SUCLG1: variants seen among roughly 807,000 people sequenced by gnomAD.
The protein encoded by SUCLG1 is succinate-CoA ligase GDP/ADP-forming subunit alpha, also known as succinate--CoA ligase [ADP/GDP-forming] subunit alpha, mitochondrial.
In SUCLG1, 26 loss-of-function variants were observed where a neutral mutation model predicts 37.3. The ratio of observed to expected loss-of-function variants is 0.70; its 90% confidence interval spans 0.51 to 0.97. The LOEUF (loss-of-function observed/expected upper bound fraction) is 0.97, where lower values mean the gene tolerates loss of function less well. Among genes scored for constraint, SUCLG1 ranks in the 50% least tolerant of loss-of-function variants. The pLI is 0.00. For synonymous variants in SUCLG1, 163 were observed against 155.6 expected, an observed-to-expected ratio of 1.05 and a Z score of -0.36; for missense variants, 433 against 432.9, an observed-to-expected ratio of 1.00 and a Z score of 0.00.
chr2:84,439,189 T>A (rs6735362), intron 5 of SUCLG1, among the ~76,000 whole-genome samples: 19,496 of 139,830 alleles, frequency 0.14, 3,465 homozygotes, highest in African/African-American at 0.43. Flanking sequence ...TTCTTTTTTT[T>A]AAAAAAAAAA....
At chr2:84,447,145 T>C (rs1327726061) in intron 2 of SUCLG1, among the ~76,000 whole-genome samples, 1 of 152,228 alleles carries the variant, frequency 6.6e-6, no homozygotes, top group East Asian at 1.9e-4. Flanking sequence ...GGATTTTTAA[T>C]TCATATGTGG....
At chr2:84,442,556 G>A (rs1052841249) in intron 3 of SUCLG1, among the ~76,000 whole-genome samples, 1 of 151,992 alleles carries the variant, frequency 6.6e-6, no homozygotes, top group African/African-American at 2.4e-5. Flanking sequence ...TCCCTACAGA[G>A]GCAAAATCTG....
chr2:84,440,913 CA>C, intron 5 of SUCLG1, 133 bp downstream of exon 5: 1 of 871,098 alleles, frequency 1.1e-6, no homozygotes, highest in South Asian at 1.5e-5. Flanking sequence ...TGATAGACTA[CA>C]AAACTTCCCT....
intron 8 of SUCLG1, 101 bp downstream of exon 8, chr2:84,425,314 T>G (rs1363557495): frequency 7.0e-7 from 1 of 1,431,818 alleles, no homozygotes; most frequent in Non-Finnish European, 9.8e-7. Context: ...GAAAACCAAT[T>G]AAGTCCCAGA....
chr2:84,430,071 T>C (rs574936578), intron 7 of SUCLG1, among the ~76,000 whole-genome samples: 11 of 151,706 alleles, frequency 7.3e-5, no homozygotes, highest in African/African-American at 2.7e-4. Flanking sequence ...GCACAGAAAA[T>C]AGATCCAGGG....
At chr2:84,423,870 T>G in intron 8 of SUCLG1, 98 bp from the exon 9 acceptor site, 2 of 1,268,368 alleles carry the variant, frequency 1.6e-6, no homozygotes, top group Non-Finnish European at 1.1e-6. Flanking sequence ...ACCTATTATC[T>G]TTAGGATCCC....
chr2:84,442,602 ACT>A (rs1292864228), intron 3 of SUCLG1, among the ~76,000 whole-genome samples: 1 of 152,198 alleles, frequency 6.6e-6, no homozygotes, highest in East Asian at 1.9e-4. Flanking sequence ...AACTTTACTT[ACT>A]TTTTGTATCG....
At chr2:84,451,935 G>C (rs1453154872) in intron 1 of SUCLG1, among the ~76,000 whole-genome samples, 2 of 152,150 alleles carry the variant, frequency 1.3e-5, no homozygotes, top group African/African-American at 4.8e-5. Flanking sequence ...GCAAGGAAGT[G>C]AAATTCCTGA....
intron 8 of SUCLG1, 27 bp from the exon 9 acceptor site, chr2:84,423,799 A>G (rs773295977): frequency 6.3e-7 from 1 of 1,599,676 alleles, no homozygotes; most frequent in African/African-American, 1.3e-5. Flanking sequence ...GAGAGAGAAG[A>G]GAGATGGAAT....
rs183080875 is a variant in SUCLG1, at chr2:84,435,834, T to A, written c.590-2399A>T. Among the ~76,000 whole-genome samples, 96 of 152,346 alleles carry A rather than the reference T, an allele frequency of 6.3e-4. 1 individual carries two copies. Among genetic ancestry groups the A allele is most frequent in the Admixed American group, 2.5e-3 (39 of 15,308 alleles). ...AGCTCATCCTCTCTTTCCAGCAGCC[T>A]GTTCTGAATCATCTCTCAGGGTGTG... On this transcript the variant is annotated intron_variant, in intron 5 of 8. Coordinates refer to ENST00000393868, the MANE Select transcript of SUCLG1 (RefSeq NM_003849.4).
At chr2:84,443,450 C>T (rs759590965) in intron 2 of SUCLG1, 50 bp from the exon 3 acceptor site, 1 of 1,522,128 alleles carries the variant, frequency 6.6e-7, no homozygotes, top group Non-Finnish European at 9.1e-7. Context: ...CTGGTAAGCC[C>T]AAGAGAAGCA....
At chr2:84,434,872 C>T (rs1034786562) in intron 5 of SUCLG1, among the ~76,000 whole-genome samples, 2 of 152,198 alleles carry the variant, frequency 1.3e-5, no homozygotes, top group African/African-American at 4.8e-5. Context: ...TGAATTTGGG[C>T]ACACAATAAC....
At chr2:84,441,199 C>T in intron 4 of SUCLG1, 48 bp downstream of exon 4, 3 of 1,613,520 alleles carry the variant, frequency 1.9e-6, no homozygotes, top group Non-Finnish European at 2.5e-6. Flanking sequence ...AGCTGTTTAG[C>T]CTTGTGAGAG....
chr2:84,454,404 T>C (rs1672988169), intron 1 of SUCLG1, among the ~76,000 whole-genome samples: 1 of 152,216 alleles, frequency 6.6e-6, no homozygotes, highest in Non-Finnish European at 1.5e-5. Flanking sequence ...GAGTTAGTAA[T>C]ATATAAAGCA....
Position 84,433,336 on chromosome 2 carries a change from A to G in SUCLG1, c.673+16T>C. ...CACCACACTCCAATAAAATGATTTTAGCAAAAGTCCCTCACCAACGCACAA... is the reference window on the plus strand; with the variant it reads ...CACCACACTCCAATAAAATGATTTTGGCAAAAGTCCCTCACCAACGCACAA... On this transcript the variant is annotated intron_variant, in intron 6 of 8. Coordinates refer to ENST00000393868, the MANE Select transcript of SUCLG1 (RefSeq NM_003849.4). The G allele has an allele frequency of 6.2e-7, 1 of 1,611,822 alleles. No homozygotes were observed. Among genetic ancestry groups the G allele is most frequent in the Non-Finnish European group, 8.5e-7 (1 of 1,177,988 alleles).
intron 1 of SUCLG1, 71 bp downstream of exon 1, chr2:84,459,102 G>A: frequency 6.8e-7 from 1 of 1,464,700 alleles, no homozygotes; most frequent in Non-Finnish European, 9.2e-7. Flanking sequence ...GCCGCGGCCT[G>A]GGCCAGGAGG....
At chr2:84,449,837 C>T in intron 1 of SUCLG1, 85 bp from the exon 2 acceptor site, 1 of 1,021,512 alleles carries the variant, frequency 9.8e-7, no homozygotes, top group Admixed American at 2.7e-5. Context: ...AACTTGATCA[C>T]AAAAAAAAAA....
chr2:84,429,663 T>C (rs765394885), intron 7 of SUCLG1, among the ~76,000 whole-genome samples: 20 of 152,162 alleles, frequency 1.3e-4, no homozygotes, highest in Non-Finnish European at 2.4e-4. Flanking sequence ...AGGGAAGGTT[T>C]GGATGGTATG....
At chr2:84,458,588 C>G (rs2104275064) in intron 1 of SUCLG1, 1 of 152,370 alleles carries the variant, frequency 6.6e-6, no homozygotes, top group South Asian at 2.1e-4. Context: ...TGCAAATAAG[C>G]TGGTTTAGGT....
Sources: gnomAD v4.1 joint callset for allele counts (sites outside exome capture counted in the v4.1 genomes callset) on GRCh38, gnomAD v4.1.1 for gene constraint, MANE v1.5 for transcripts, NCBI Gene and HGNC (gene_info 2026-07-23, HGNC 2026-07-21) for gene names.